Variants in GNG7 observed in about 807,000 individuals in gnomAD.
GNG7 encodes guanine nucleotide-binding protein G(I)/G(S)/G(O) subunit gamma-7.
GNG7 carries 1 observed loss-of-function variant against 4.0 expected under a neutral mutation model. The ratio of observed to expected loss-of-function variants is 0.25; its 90% CI spans 0.09 to 1.18. The LOEUF is 1.18. GNG7 is among the 50% of genes most tolerant of loss of function. The probability of loss-of-function intolerance (pLI) is 0.50; values close to 1 mark genes in which losing one functional copy is unlikely to be tolerated. For missense variants in GNG7, 86 were observed against 91.9 expected, an observed-to-expected ratio of 0.94 and a Z score of 0.26; for synonymous variants, 34 against 36.9, an observed-to-expected ratio of 0.92 and a Z score of 0.29.
chr19:2,636,977 C>T (rs1236197257), intron 2 of GNG7, among the ~76,000 whole-genome samples: 2 of 151,700 alleles, frequency 1.3e-5, no homozygotes, highest in Non-Finnish European at 2.9e-5. Flanking sequence ...CCTGCACTTC[C>T]GTCCCCACCT....
rs906706365 is a variant in GNG7 at position 2,611,290 on chromosome 19, G to C, written c.-78+34934C>G. 1 of 152,288 alleles carries C rather than the reference G, an allele frequency of 6.6e-6. No homozygotes were observed. Among genetic ancestry groups the C allele is most frequent in the African/African-American group, 2.4e-5 (1 of 41,458 alleles). 9.4% of individuals were successfully genotyped at this position (152,288 alleles called of 1,614,324 possible). A position where few individuals can be genotyped will look rare whatever the true frequency, so the allele number is the denominator to read the frequency against. ...AGGGGCGAGGAATTCCGCCTGGCGA[G>C]CGTCTAGACTGCGGTGTTTCTGGGA... is the stretch of plus-strand genomic sequence containing the variant. On this transcript the variant is annotated intron_variant, in intron 2 of 4. Coordinates refer to ENST00000382159, the MANE Select transcript of GNG7 (RefSeq NM_052847.3). The surrounding 1 kb of genome is among the most constrained non-coding windows in gnomAD (Gnocchi z 6.0).
At chr19:2,696,539 T>C (rs994341334) in intron 1 of GNG7, among the ~76,000 whole-genome samples, 2 of 152,154 alleles carry the variant, frequency 1.3e-5, no homozygotes, top group African/African-American at 4.8e-5. Context: ...TGTGCTCCAT[T>C]GCCCAAAGGC....
At chr19:2,652,825 G>A (rs760324736) in intron 1 of GNG7, among the ~76,000 whole-genome samples, 4 of 152,148 alleles carry the variant, frequency 2.6e-5, no homozygotes, top group Non-Finnish European at 4.4e-5. Flanking sequence ...GCTCATGCCT[G>A]TAATCCTAGT....
intron 2 of GNG7, among the ~76,000 whole-genome samples, chr19:2,631,504 C>A (rs1168766593): frequency 2.0e-5 from 3 of 152,228 alleles, no homozygotes; most frequent in Admixed American, 1.3e-4. Context: ...AAATGAATGT[C>A]TGTGGCCGTG....
At chr19:2,586,025 C>T (rs1980662799) in intron 2 of GNG7, among the ~76,000 whole-genome samples, 1 of 152,186 alleles carries the variant, frequency 6.6e-6, no homozygotes, top group Non-Finnish European at 1.5e-5. Flanking sequence ...TTTCAGTATC[C>T]CTTTTTCTTT....
intron 1 of GNG7, among the ~76,000 whole-genome samples, chr19:2,658,203 C>T (rs1599446586): frequency 6.6e-6 from 1 of 152,070 alleles, no homozygotes; most frequent in African/African-American, 2.4e-5. Flanking sequence ...AGGGCTGGAC[C>T]CTACAGTTCT....
intron 3 of GNG7, among the ~76,000 whole-genome samples, chr19:2,553,745 T>C (rs962864177): frequency 6.0e-5 from 9 of 148,968 alleles, no homozygotes; most frequent in South Asian, 2.1e-4. Context: ...ACATGCAATA[T>C]ATTACATATA....
intron 3 of GNG7, among the ~76,000 whole-genome samples, chr19:2,536,996 G>C (rs1568234980): frequency 6.6e-6 from 1 of 151,016 alleles, no homozygotes; most frequent in Non-Finnish European, 1.5e-5. Flanking sequence ...GCCCAGGCTG[G>C]AGTGCAGTGG....
Position 2,661,279 on chromosome 19 carries a change from A to G in GNG7, c.-134-14999T>C, listed in dbSNP as rs1040864030. Among the ~76,000 whole-genome samples the G allele has an allele frequency of 1.6e-3, 82 of 49,828 alleles. 3 individuals carry two copies. Among genetic ancestry groups the G allele is most frequent in the South Asian group, 2.2e-3 (3 of 1,342 alleles). 32.7% of individuals were successfully genotyped at this position (49,828 alleles called of 152,430 possible). On this transcript the variant is annotated intron_variant, in intron 1 of 4. Transcript: ENST00000382159. Reference sequence around the variant, plus strand: ...AAAGAAAGAAAGAAAGAAAAGAAAGAAAGAAAGAAAGAAAGAAAGAAAGAG... The same window carrying G: ...AAAGAAAGAAAGAAAGAAAAGAAAGGAAGAAAGAAAGAAAGAAAGAAAGAG...
At chr19:2,592,827 A>AGG (rs1980887875) in intron 2 of GNG7, among the ~76,000 whole-genome samples, 1 of 88,994 alleles carries the variant, frequency 1.1e-5, no homozygotes, top group African/African-American at 3.4e-5. Context: ...AGAGAGAGAG[A>AGG]GAGGGAGGGA....
chr19:2,661,302 G>GGAAGAA (rs1473005292), intron 1 of GNG7, among the ~76,000 whole-genome samples: 1 of 73,122 alleles, frequency 1.4e-5, no homozygotes, highest in Non-Finnish European at 2.7e-5. Context: ...AAGAAAGAAA[G>GGAAGAA]AGAAAGAAAG....
intron 3 of GNG7, among the ~76,000 whole-genome samples, chr19:2,522,248 C>A (rs1296626143): frequency 6.6e-6 from 1 of 152,066 alleles, no homozygotes; most frequent in Non-Finnish European, 1.5e-5. Context: ...GAGAAACCTG[C>A]TTCGTAGGAC....
chr19:2,540,120 C>CCTTTT (rs1978910728), intron 3 of GNG7, among the ~76,000 whole-genome samples: 1 of 119,214 alleles, frequency 8.4e-6, no homozygotes, highest in African/African-American at 3.2e-5. Context: ...CTTTTCTTTT[C>CCTTTT]TCCTTCCTTC....
At chr19:2,645,474 G>A (rs1982640466) in intron 2 of GNG7, among the ~76,000 whole-genome samples, 1 of 151,822 alleles carries the variant, frequency 6.6e-6, no homozygotes, top group South Asian at 2.1e-4. Context: ...CCTGACCTCA[G>A]GTGATCCACC....
intron 1 of GNG7, among the ~76,000 whole-genome samples, chr19:2,690,367 C>T (rs1002617098): frequency 2.0e-5 from 3 of 151,988 alleles, no homozygotes; most frequent in East Asian, 1.9e-4. Flanking sequence ...GGTGACAGAA[C>T]GAGATTCTGT....
Position 2,622,639 on chromosome 19 carries a change from G to A in GNG7, c.-78+23585C>T, listed in dbSNP as rs867334171. Among the ~76,000 whole-genome samples the A allele has an allele frequency of 9.3e-3, 1,231 of 132,978 alleles. 18 individuals carry two copies. The highest frequency in any genetic ancestry group is 0.014 in the African/African-American group (444 of 32,654). The allele number at this position is 132,978 out of a possible 152,430, so 87.2% of individuals were successfully genotyped here. ...AACGCGAGCAACGCGGCAGAGAGGGGGGCTTCCGGGAAGGGGAACCCAACG... is the reference window on the plus strand; with the variant it reads ...AACGCGAGCAACGCGGCAGAGAGGGAGGCTTCCGGGAAGGGGAACCCAACG... On this transcript the variant is annotated intron_variant, in intron 2 of 4. Transcript: ENST00000382159.
chr19:2,636,213 CAG>C (rs559395968), intron 2 of GNG7, among the ~76,000 whole-genome samples: 131 of 152,328 alleles, frequency 8.6e-4, no homozygotes, highest in African/African-American at 3.0e-3. Context: ...CCCTCCCACT[CAG>C]GGGGTGGATG....
rs1981768519 is a variant in GNG7, at chr19:2,618,047, T to C, written c.-78+28177A>G. Among the ~76,000 whole-genome samples the C allele has an allele frequency of 6.6e-6, 1 of 152,184 alleles. No homozygotes were observed. The highest frequency in any genetic ancestry group is 2.1e-4 in the South Asian group (1 of 4,834). On this transcript the variant is annotated intron_variant, in intron 2 of 4. Coordinates refer to ENST00000382159, the MANE Select transcript of GNG7 (RefSeq NM_052847.3). The surrounding 1 kb of genome is among the most constrained non-coding windows in gnomAD (Gnocchi z 5.1). ...AGACCCTCTGTTTGGTTTGCCAGTG[T>C]GTCTGGGCATGTGCTGTCTCTGTGT...
rs1324206728 is a variant in GNG7 at position 2,656,029 on chromosome 19, C to CAAACAAAA, written c.-134-9750_-134-9749insTTTTGTTT. 1.7e-3 allele frequency among the ~76,000 whole-genome samples: 166 copies of CAAACAAAA among 98,084 alleles called. 3 individuals carry two copies. The highest frequency in any genetic ancestry group is 6.0e-3 in the African/African-American group (160 of 26,724). The allele number at this position is 98,084 out of a possible 152,430, so 64.3% of individuals were successfully genotyped here. ...GACAGAGTGAGACTCCGATTCAAAA[C>CAAACAAAA]AAAAAAAAAAAAAAGAAAGAAAGAA... On this transcript the variant is annotated intron_variant, in intron 1 of 4. Coordinates refer to ENST00000382159, the MANE Select transcript of GNG7 (RefSeq NM_052847.3).
Sources: allele counts gnomAD v4.1 joint callset (sites outside exome capture counted in the v4.1 genomes callset), GRCh38; gene constraint gnomAD v4.1.1; non-coding constraint Gnocchi (gnomAD v3.1); transcripts MANE v1.5; gene names NCBI Gene and HGNC (gene_info 2026-07-23, HGNC 2026-07-21).